The following SYT14 variants were observed in gnomAD, a reference collection of about 807,000 sequenced individuals.
The protein encoded by SYT14 is synaptotagmin-14.
In SYT14, 32 loss-of-function variants were observed where a neutral mutation model predicts 74.2. The ratio of observed to expected loss-of-function variants is 0.43; its 90% CI spans 0.33 to 0.58. SYT14 has a LOEUF of 0.58. Ranked by LOEUF, SYT14 falls within the 20% of genes least tolerant of loss-of-function variation. The pLI, the probability that SYT14 is intolerant of heterozygous loss-of-function variation, is 0.05. For synonymous variants in SYT14, 298 were observed against 337.7 expected, an observed-to-expected ratio of 0.88 and a Z score of 1.29; for missense variants, 791 against 981.8, an observed-to-expected ratio of 0.81 and a Z score of 2.60.
chr1:210,121,120 T>G (rs2082452703), intron 7 of SYT14, among the ~76,000 whole-genome samples: 1 of 152,176 alleles, frequency 6.6e-6, no homozygotes, highest in Non-Finnish European at 1.5e-5. Context: ...TTTTCTTCAT[T>G]TGTAAAAAGA....
intron 7 of SYT14, among the ~76,000 whole-genome samples, chr1:210,138,493 A>T (rs939913370): frequency 6.6e-6 from 1 of 152,128 alleles, no homozygotes. Context: ...TAATAAAGCC[A>T]CTTCTCCCAT....
In SYT14 at chr1:210,162,953, GAGTT is replaced by G. The variant is rs764020274; in HGVS notation, c.*1914_*1917del. The G allele has an allele frequency of 7.3e-5, 33 of 452,140 alleles. 1 individual carries two copies. Among genetic ancestry groups the G allele is most frequent in the Middle Eastern group, 6.9e-4 (1 of 1,456 alleles). 28.0% of individuals were successfully genotyped at this position (452,140 alleles called of 1,614,324 possible). A position where few individuals can be genotyped will look rare whatever the true frequency, so the allele number is the denominator to read the frequency against. ...CAGGATTTTTCAAATAAACAAGTAA[GAGTT>G]AGAACCTGAATCAAATGGCAAAATA... On this transcript the variant is annotated 3_prime_UTR_variant, in exon 10 of 10. Coordinates refer to ENST00000637265, the Ensembl canonical transcript of SYT14.
intron 7 of SYT14, among the ~76,000 whole-genome samples, chr1:210,136,929 C>T (rs879444662): frequency 6.6e-6 from 1 of 152,000 alleles, no homozygotes; most frequent in Non-Finnish European, 1.5e-5. Context: ...AATCTGTGAG[C>T]CAGGTGGAAT....
exon 10 of SYT14, chr1:210,161,510 C>CT (rs1362933864): frequency 4.4e-6 from 2 of 453,914 alleles, no homozygotes; most frequent in Non-Finnish European, 8.8e-6. Flanking sequence ...TTCTCCAACT[C>CT]TATCATAAGT....
At chr1:210,013,099 T>C (rs1023690956) in intron 2 of SYT14, among the ~76,000 whole-genome samples, 1 of 151,642 alleles carries the variant, frequency 6.6e-6, no homozygotes, top group Admixed American at 6.6e-5. Flanking sequence ...TTTTTTTTTT[T>C]TTAGACAGTT....
chr1:210,022,062 C>T (rs77670516), intron 5 of SYT14, among the ~76,000 whole-genome samples: 1,552 of 152,058 alleles, frequency 0.01, 15 homozygotes, highest in Non-Finnish European at 0.016. Flanking sequence ...ATCTTTATAC[C>T]CAGATATGAG....
intron 2 of SYT14, among the ~76,000 whole-genome samples, chr1:209,974,928 G>A (rs1024542913): frequency 6.6e-6 from 1 of 152,022 alleles, no homozygotes; most frequent in Non-Finnish European, 1.5e-5. Context: ...GGTCCTTCAT[G>A]TCCCTTGTAA....
At chr1:209,958,478 G>A (rs577997096) in intron 2 of SYT14, among the ~76,000 whole-genome samples, 6 of 151,892 alleles carry the variant, frequency 4.0e-5, no homozygotes, top group African/African-American at 1.2e-4. Flanking sequence ...AGATCTATGT[G>A]GAGACGATAT....
chr1:210,061,632 A>C (rs1349362176), intron 5 of SYT14, among the ~76,000 whole-genome samples: 1 of 151,962 alleles, frequency 6.6e-6, no homozygotes, highest in Non-Finnish European at 1.5e-5. Context: ...GAGCTTTTAC[A>C]GATGAGGGTC....
At chr1:209,985,964 C>G (rs1247393793) in intron 2 of SYT14, among the ~76,000 whole-genome samples, 2 of 152,162 alleles carry the variant, frequency 1.3e-5, no homozygotes, top group Admixed American at 6.5e-5. Flanking sequence ...TAGGCCTGGC[C>G]CACAAAACCA....
At chr1:209,957,087 T>C (rs1446604498) in intron 2 of SYT14, among the ~76,000 whole-genome samples, 1 of 152,170 alleles carries the variant, frequency 6.6e-6, no homozygotes, top group Non-Finnish European at 1.5e-5. Context: ...GACTGAGTTA[T>C]GCTGAAAGTA....
At chr1:209,964,103 G>A (rs946531563) in intron 2 of SYT14, among the ~76,000 whole-genome samples, 1 of 152,112 alleles carries the variant, frequency 6.6e-6, no homozygotes, top group African/African-American at 2.4e-5. Flanking sequence ...GTCAAGGGAG[G>A]GACCAGGTGG....
At chr1:210,026,477 C>T (rs1455296492) in intron 5 of SYT14, among the ~76,000 whole-genome samples, 9 of 151,876 alleles carry the variant, frequency 5.9e-5, no homozygotes, top group Non-Finnish European at 1.0e-4. Flanking sequence ...ATAGAGATTA[C>T]GTAGCTATAC....
intron 5 of SYT14, among the ~76,000 whole-genome samples, chr1:210,061,775 T>G (rs1219999414): frequency 6.6e-6 from 1 of 151,922 alleles, no homozygotes; most frequent in Non-Finnish European, 1.5e-5. Context: ...CAATTCACAA[T>G]ATAACTTAGA....
chr1:209,969,539 G>A (rs751312399), intron 2 of SYT14, among the ~76,000 whole-genome samples: 25 of 146,134 alleles, frequency 1.7e-4, no homozygotes, highest in Non-Finnish European at 3.4e-4. Flanking sequence ...CCAGGCTGGA[G>A]TGCAGTGGCG....
At chr1:210,140,786 T>C (rs1202541547) in intron 7 of SYT14, among the ~76,000 whole-genome samples, 1 of 152,140 alleles carries the variant, frequency 6.6e-6, no homozygotes, top group East Asian at 1.9e-4. Context: ...GTTGGCACCC[T>C]TGTTGAAAAT....
intron 5 of SYT14, among the ~76,000 whole-genome samples, chr1:210,035,170 G>A (rs1467587553): frequency 1.3e-5 from 2 of 151,614 alleles, no homozygotes; most frequent in East Asian, 3.9e-4. Context: ...CATTCTGACT[G>A]GTGTCATATG....
intron 5 of SYT14, among the ~76,000 whole-genome samples, chr1:210,059,451 T>TATATATATATATAGAGAG (rs377050610): frequency 1.5e-3 from 107 of 69,876 alleles, no homozygotes; most frequent in South Asian, 2.4e-3. Flanking sequence ...TATATATATA[T>TATATATATATATAGAGAG]AGAGAGAGAG....
intron 5 of SYT14, among the ~76,000 whole-genome samples, chr1:210,031,999 A>C (rs2080547388): frequency 6.6e-6 from 1 of 152,154 alleles, no homozygotes; most frequent in African/African-American, 2.4e-5. Context: ...ATAAGGGACA[A>C]CTAGCAGAGA....
Sources: gnomAD v4.1 joint callset for allele counts (sites outside exome capture counted in the v4.1 genomes callset) on GRCh38, gnomAD v4.1.1 for gene constraint, MANE v1.5 for transcripts, NCBI Gene and HGNC (gene_info 2026-07-23, HGNC 2026-07-21) for gene names.